DSC3: variants seen among roughly 807,000 people sequenced by gnomAD.
DSC3 encodes the protein desmocollin-3.
In DSC3, 97 loss-of-function variants were observed where a neutral mutation model predicts 89.5. That is an observed-to-expected ratio of 1.08 (90% CI 0.92 to 1.28). DSC3 has a LOEUF of 1.28. DSC3 is among the 50% of genes most tolerant of loss of function. The probability of loss-of-function intolerance (pLI) is 0.00; values close to 1 mark genes in which losing one functional copy is unlikely to be tolerated. For missense variants in DSC3, 1,199 were observed against 1,085.3 expected, an observed-to-expected ratio of 1.10 and a Z score of -1.47; for synonymous variants, 436 against 384.1, an observed-to-expected ratio of 1.14 and a Z score of -1.58.
intron 9 of DSC3, among the ~76,000 whole-genome samples, chr18:31,017,506 A>T (rs1985274981): frequency 6.6e-6 from 1 of 152,210 alleles, no homozygotes; most frequent in South Asian, 2.1e-4. Flanking sequence ...AAATAAGTTC[A>T]TTCATTGCTG....
At chr18:31,041,504 G>A (rs947824273) in intron 1 of DSC3, among the ~76,000 whole-genome samples, 1 of 152,160 alleles carries the variant, frequency 6.6e-6, no homozygotes, top group Non-Finnish European at 1.5e-5. Context: ...AGGGTGGAGG[G>A]CCAGGAAGCA....
At chr18:31,003,173 A>G (rs191483292) in intron 13 of DSC3, among the ~76,000 whole-genome samples, 9 of 152,286 alleles carry the variant, frequency 5.9e-5, no homozygotes, top group Admixed American at 2.0e-4. Flanking sequence ...CTAACTCTCT[A>G]TTGAAAATTG....
intron 1 of DSC3, among the ~76,000 whole-genome samples, chr18:31,036,457 C>A: frequency 6.6e-6 from 1 of 151,990 alleles, no homozygotes; most frequent in African/African-American, 2.4e-5. Context: ...ATGAAATCTT[C>A]TGATAAACAG....
intron 9 of DSC3, 102 bp downstream of exon 9, chr18:31,017,969 T>C (rs1985288691): frequency 7.1e-6 from 7 of 986,966 alleles, no homozygotes; most frequent in Non-Finnish European, 1.1e-5. Flanking sequence ...TAAATTTTCT[T>C]CCAACTTGTA....
rs957669323 is a variant in DSC3 at position 30,991,242 on chromosome 18, T to C, written c.*2933A>G. 1 of 152,618 alleles carries C rather than the reference T, an allele frequency of 6.6e-6. No individual in the cohort carries two copies. The highest frequency in any genetic ancestry group is 6.5e-5 in the Admixed American group (1 of 15,278). The allele number at this position is 152,618 out of a possible 1,614,324, so 9.5% of individuals were successfully genotyped here. On this transcript the variant is annotated 3_prime_UTR_variant, in exon 16 of 16. Coordinates refer to ENST00000360428, the MANE Select transcript of DSC3 (RefSeq NM_001941.5). ...CAAACCCCACTGCATTTTAGACAGC[T>C]GCTTCCTTATAAAAGTAAGAAAAAA... is the stretch of plus-strand genomic sequence containing the variant.
In DSC3 at chr18:30,994,309, T is replaced by C. The variant is rs765014078; in HGVS notation, c.2557A>G (p.Asn853Asp). 25 of 1,614,126 alleles carry C rather than the reference T, an allele frequency of 1.5e-5. No homozygotes were observed. The South Asian group carries it at 2.5e-4, about 16-fold the overall frequency. ...MPSQDYVLTY[N>D]YEGRGSPAGS... ...GCTGGAGATCCTCTTCCCTCATAGT[T>C]ATAAGTGAGGACATAATCTTGGGAT... Residue 853 changes from asparagine to aspartate, a missense_variant, in exon 16 of 16, where the codon AAC becomes GAC. Coordinates refer to ENST00000360428, the MANE Select transcript of DSC3 (RefSeq NM_001941.5).
chr18:31,028,080 T>G (rs1424878835), intron 4 of DSC3, among the ~76,000 whole-genome samples: 4 of 152,074 alleles, frequency 2.6e-5, no homozygotes, highest in Admixed American at 6.6e-5. Flanking sequence ...ATACAAAGTT[T>G]TAAGTATTCA....
Position 31,031,177 on chromosome 18 carries a change from A to C in DSC3, c.155-5T>G. ...TGAAGCACTCTTCCAAATTAACTGC[A>C]AGTAAAAATTTCCAAGTTGTAAGGT... On this transcript the variant is annotated splice_polypyrimidine_tract_variant and splice_region_variant and intron_variant, in intron 2 of 15. Transcript: ENST00000360428. 2 of 1,605,578 alleles carry C rather than the reference A, an allele frequency of 1.2e-6. No individual in the cohort carries two copies. The highest frequency in any genetic ancestry group is 1.7e-6 in the Non-Finnish European group (2 of 1,175,804).
intron 7 of DSC3, among the ~76,000 whole-genome samples, chr18:31,020,852 G>C (rs1428190797): frequency 6.6e-6 from 1 of 152,112 alleles, no homozygotes; most frequent in Non-Finnish European, 1.5e-5. Flanking sequence ...GGAGGTGGGA[G>C]GATTGTTTGA....
chr18:30,996,990 C>T lies in DSC3; in HGVS notation c.2294G>A (p.Gly765Asp), dbSNP rs1237407253. 1 of 1,614,002 alleles carries T rather than the reference C, an allele frequency of 6.2e-7. No homozygotes were observed. The highest frequency in any genetic ancestry group is 8.5e-7 in the Non-Finnish European group (1 of 1,180,038). ...TTNNSSQGFC[G>D]TMGSGMKNGG... The stretch of plus-strand genomic sequence containing the variant: ...ATTTTTCATTCCTGATCCCATAGTA[C>T]CACAAAAACCTTGGCTAGAGTTGTT... The change falls in exon 15 of 16, where the codon GGT becomes GAT. Residue 765 changes from glycine (G) to aspartate (D), a missense_variant. Coordinates refer to ENST00000360428, the MANE Select transcript of DSC3 (RefSeq NM_001941.5).
At chr18:31,041,069 G>C (rs188693253) in intron 1 of DSC3, among the ~76,000 whole-genome samples, 100 of 151,858 alleles carry the variant, frequency 6.6e-4, no homozygotes, top group Admixed American at 2.2e-3. Flanking sequence ...TTAGATTTAC[G>C]CGCACCTTCT....
intron 13 of DSC3, among the ~76,000 whole-genome samples, chr18:31,002,932 T>C (rs1370074821): frequency 6.6e-6 from 1 of 152,174 alleles, no homozygotes; most frequent in Non-Finnish European, 1.5e-5. Flanking sequence ...GTGCCAACTC[T>C]TGCCTACCCT....
At chr18:31,006,573 T>A (rs1294309202) in intron 12 of DSC3, among the ~76,000 whole-genome samples, 1 of 152,146 alleles carries the variant, frequency 6.6e-6, no homozygotes, top group African/African-American at 2.4e-5. Context: ...GTGCTGGGAT[T>A]ACAGGCATGA....
chr18:31,024,960 C>T (rs777147196), intron 5 of DSC3, among the ~76,000 whole-genome samples: 2 of 152,112 alleles, frequency 1.3e-5, no homozygotes, highest in Non-Finnish European at 2.9e-5. Flanking sequence ...AATACATGTA[C>T]TAGTTTCCCC....
At chr18:31,027,121 A>T (rs1052283110) in intron 4 of DSC3, among the ~76,000 whole-genome samples, 8 of 152,284 alleles carry the variant, frequency 5.3e-5, no homozygotes, top group Middle Eastern at 3.4e-3. Flanking sequence ...TATGAGAAGA[A>T]TAGACATATA....
intron 4 of DSC3, among the ~76,000 whole-genome samples, chr18:31,027,113 T>C (rs1985623100): frequency 6.6e-6 from 1 of 152,154 alleles, no homozygotes; most frequent in Non-Finnish European, 1.5e-5. Context: ...AGTTTAACTA[T>C]GAGAAGAATA....
At chr18:31,041,679 C>G (rs1166530894) in intron 1 of DSC3, among the ~76,000 whole-genome samples, 2 of 152,226 alleles carry the variant, frequency 1.3e-5, no homozygotes, top group African/African-American at 4.8e-5. Context: ...TCGCGTGTAA[C>G]CGCGCCGCCA....
intron 15 of DSC3, among the ~76,000 whole-genome samples, chr18:30,996,258 A>G (rs751826898): frequency 2.0e-5 from 3 of 152,198 alleles, no homozygotes; most frequent in Non-Finnish European, 4.4e-5. Context: ...GAGGTGATGC[A>G]TATGTTAAGT....
intron 12 of DSC3, among the ~76,000 whole-genome samples, chr18:31,005,560 TA>T (rs1207685216): frequency 6.6e-6 from 1 of 152,226 alleles, no homozygotes; most frequent in Non-Finnish European, 1.5e-5. Context: ...GCATTCTTAC[TA>T]AAACCTTCTA....
Sources: allele counts gnomAD v4.1 joint callset (sites outside exome capture counted in the v4.1 genomes callset), GRCh38; gene constraint gnomAD v4.1.1; transcripts MANE v1.5; gene names NCBI Gene and HGNC (gene_info 2026-07-23, HGNC 2026-07-21).